The following HNMT variants were observed in gnomAD, a reference collection of about 807,000 sequenced individuals.
The protein encoded by HNMT is histamine N-methyltransferase.
Under a neutral mutation model 32.1 loss-of-function variants are expected in HNMT, and 30 were observed. The observed-to-expected ratio is 0.93, with a 90% CI of 0.70 to 1.27. The LOEUF (loss-of-function observed/expected upper bound fraction) is 1.27, where lower values mean the gene tolerates loss of function less well. Among genes scored for constraint, HNMT ranks in the 50% most tolerant of loss-of-function variants. The probability of loss-of-function intolerance (pLI) is 0.00; values close to 1 mark genes in which losing one functional copy is unlikely to be tolerated. For missense variants in HNMT, 327 were observed against 346.0 expected, an observed-to-expected ratio of 0.95 and a Z score of 0.43; for synonymous variants, 125 against 119.0, an observed-to-expected ratio of 1.05 and a Z score of -0.33.
Position 138,013,981 on chromosome 2 carries a change from T to A in HNMT, c.730T>A (p.Leu244Met). ...NENGDLLWDF[L>M]TETCNFNATA... is the part of the protein sequence containing the mutation. ...AAATGGAGACCTGCTTTGGGATTTT[T>A]TGACTGAAACCTGCAACTTTAATGC... Residue 244 changes from leucine (L) to methionine (M), a missense_variant, in exon 6 of 6, where the codon TTG becomes ATG. Physicochemically the swap from Leu to Met is conservative, Grantham distance 15. Coordinates refer to ENST00000280097, the MANE Select transcript of HNMT (RefSeq NM_006895.3). 2 of 1,613,754 alleles carry A rather than the reference T, an allele frequency of 1.2e-6. No homozygotes were observed. The highest frequency in any genetic ancestry group is 1.7e-6 in the Non-Finnish European group (2 of 1,179,790).
At chr2:137,968,855 C>T (rs960721265) in intron 1 of HNMT, among the ~76,000 whole-genome samples, 6 of 152,188 alleles carry the variant, frequency 3.9e-5, no homozygotes, top group Admixed American at 6.5e-5. Flanking sequence ...GTAGACAAAA[C>T]ACAGTTTTGT....
At chr2:137,991,837 T>C (rs1461690493) in intron 2 of HNMT, 3 of 152,228 alleles carry the variant, frequency 2.0e-5, no homozygotes, top group Non-Finnish European at 4.4e-5. Context: ...GATGGCCGAC[T>C]AGAAACAGCA....
chr2:137,971,032 C>G (rs1253644829), intron 2 of HNMT, among the ~76,000 whole-genome samples: 1 of 151,790 alleles, frequency 6.6e-6, no homozygotes, highest in Non-Finnish European at 1.5e-5. Context: ...GAAAGTCTCA[C>G]CATGGGGAAA....
In HNMT at chr2:138,006,116, C is replaced by T. The variant is rs80141063; in HGVS notation, c.523+891C>T. On this transcript the variant is annotated intron_variant, in intron 5 of 5. Transcript: ENST00000280097. ...TAGAGAGCTCCTGTACACAACCTCT[C>T]CTGCAAGGGAACATTTAGATATACT... 7.6e-4 allele frequency among the ~76,000 whole-genome samples: 115 copies of T among 152,100 alleles called. 1 individual carries two copies. In the East Asian group the frequency reaches 0.021, roughly 28 times the overall value.
At chr2:137,995,789 T>G (rs1680973906) in intron 2 of HNMT, among the ~76,000 whole-genome samples, 1 of 151,988 alleles carries the variant, frequency 6.6e-6, no homozygotes, top group Non-Finnish European at 1.5e-5. Flanking sequence ...GCAAACCAAA[T>G]TCAGCAGCAC....
chr2:138,005,527 G>C (rs760707166), intron 5 of HNMT, among the ~76,000 whole-genome samples: 1 of 151,930 alleles, frequency 6.6e-6, no homozygotes, highest in Admixed American at 6.6e-5. Flanking sequence ...TTTTAAATGA[G>C]ACTAAAAATA....
At chr2:137,985,965 T>G (rs1680639988) in intron 2 of HNMT, among the ~76,000 whole-genome samples, 1 of 151,884 alleles carries the variant, frequency 6.6e-6, no homozygotes, top group African/African-American at 2.4e-5. Flanking sequence ...CGAGACTCCA[T>G]CTCAAAAAAT....
chr2:137,970,143 C>T, intron 1 of HNMT, 22 bp from the exon 2 acceptor site: 1 of 1,425,484 alleles, frequency 7.0e-7, no homozygotes, highest in Non-Finnish European at 9.8e-7. Flanking sequence ...TTTTCTAAAA[C>T]TACATAATTT....
At chr2:137,966,158 G>A (rs1679951203) in intron 1 of HNMT, among the ~76,000 whole-genome samples, 1 of 152,144 alleles carries the variant, frequency 6.6e-6, no homozygotes, top group South Asian at 2.1e-4. Context: ...GTTAGGGCAG[G>A]GTTTGTTGAG....
At position 138,013,985 on chromosome 2, in the gene HNMT, C is replaced by T; in HGVS notation, c.734C>T (p.Thr245Ile). 7 of 1,613,708 alleles carry T rather than the reference C, an allele frequency of 4.3e-6. No individual in the cohort carries two copies. Among genetic ancestry groups the T allele is most frequent in the Non-Finnish European group, 5.9e-6 (7 of 1,179,776 alleles). ...GGAGACCTGCTTTGGGATTTTTTGA[C>T]TGAAACCTGCAACTTTAATGCCACA... ...ENGDLLWDFL[T>I]ETCNFNATAP... The change falls in exon 6 of 6, where the codon ACT (threonine) becomes ATT (isoleucine). Residue 245 changes from threonine to isoleucine, a missense_variant. Thr to Ile is a moderately conservative substitution (Grantham distance 89). Transcript: ENST00000280097.
At chr2:137,981,128 G>A in intron 2 of HNMT, 1 of 1,408,048 alleles carries the variant, frequency 7.1e-7, no homozygotes, top group African/African-American at 1.4e-5. Flanking sequence ...TATATATTTT[G>A]ATATGAGAAA....
chr2:137,995,840 C>A (rs1680975780), intron 2 of HNMT, among the ~76,000 whole-genome samples: 1 of 152,030 alleles, frequency 6.6e-6, no homozygotes, highest in Non-Finnish European at 1.5e-5. Flanking sequence ...CAGCTTCATC[C>A]CTGGGATGCA....
intron 2 of HNMT, among the ~76,000 whole-genome samples, chr2:137,982,014 C>T (rs1292857842): frequency 6.6e-6 from 1 of 152,138 alleles, no homozygotes; most frequent in Non-Finnish European, 1.5e-5. Flanking sequence ...CCACCACGCC[C>T]AGATAATTTT....
chr2:137,972,111 T>C (rs2104928537), intron 2 of HNMT, among the ~76,000 whole-genome samples: 1 of 152,234 alleles, frequency 6.6e-6, no homozygotes, highest in South Asian at 2.1e-4. Flanking sequence ...TTTTGTTTTT[T>C]GTTTGTTTTT....
At chr2:137,980,270 C>G (rs779549070) in intron 2 of HNMT, among the ~76,000 whole-genome samples, 1 of 152,170 alleles carries the variant, frequency 6.6e-6, no homozygotes, top group Non-Finnish European at 1.5e-5. Flanking sequence ...ATCTCCTGAC[C>G]TCATGATCCT....
chr2:137,997,277 G>C (rs756360642), intron 2 of HNMT, among the ~76,000 whole-genome samples: 1 of 151,644 alleles, frequency 6.6e-6, no homozygotes, highest in East Asian at 1.9e-4. Context: ...CTACCCATCT[G>C]ACAAAGATCT....
At chr2:137,974,895 AGTTTGAT>A (rs1325828149) in intron 2 of HNMT, among the ~76,000 whole-genome samples, 1 of 152,190 alleles carries the variant, frequency 6.6e-6, no homozygotes, top group African/African-American at 2.4e-5. Context: ...TGTTGAGACC[AGTTTGAT>A]GGGTCTCCTG....
In HNMT at chr2:138,013,831, G is replaced by A; in HGVS notation, c.580G>A (p.Asp194Asn). Reference sequence around the variant, plus strand: ...GTACGGATCACGCTTTCCCCAGGATGACCTCTGCCAGTATATCACATCAGA... The same window carrying A: ...GTACGGATCACGCTTTCCCCAGGATAACCTCTGCCAGTATATCACATCAGA... ...KKYGSRFPQDDLCQYITSDDL... is the reference protein window; with the variant it reads ...KKYGSRFPQDNLCQYITSDDL... Residue 194 changes from aspartate (D) to asparagine (N), a missense_variant, in exon 6 of 6, where the codon GAC becomes AAC. Physicochemically the swap from Asp to Asn is conservative, Grantham distance 23. Coordinates refer to ENST00000280097, the MANE Select transcript of HNMT (RefSeq NM_006895.3). 1 of 1,613,618 alleles carries A rather than the reference G, an allele frequency of 6.2e-7. No homozygotes were observed. The highest frequency in any genetic ancestry group is 8.5e-7 in the Non-Finnish European group (1 of 1,179,776).
chr2:138,005,344 T>C, intron 5 of HNMT, 119 bp downstream of exon 5: 1 of 668,016 alleles, frequency 1.5e-6, no homozygotes, highest in South Asian at 1.9e-5. Context: ...TGCCTTGGCC[T>C]CTAATCATAG....
Sources: allele counts gnomAD v4.1 joint callset (sites outside exome capture counted in the v4.1 genomes callset), GRCh38; gene constraint gnomAD v4.1.1; transcripts MANE v1.5; gene names NCBI Gene and HGNC (gene_info 2026-07-23, HGNC 2026-07-21).